ARHGAP15: variants seen among roughly 807,000 people sequenced by gnomAD.
The protein encoded by ARHGAP15 is Rho GTPase activating protein 15, also known as rho GTPase-activating protein 15.
In ARHGAP15, 51 loss-of-function variants were observed where a neutral mutation model predicts 63.7. The observed-to-expected ratio is 0.80, with a 90% CI of 0.64 to 1.01. ARHGAP15 has a LOEUF of 1.01. Ranked by LOEUF, ARHGAP15 falls within the 50% of genes least tolerant of loss-of-function variation. ARHGAP15 has a pLI of 0.00. For missense variants in ARHGAP15, 560 were observed against 564.6 expected (o/e 0.99, Z 0.08); for synonymous variants, 191 against 193.8 (o/e 0.99, Z 0.12).
intron 11 of ARHGAP15, among the ~76,000 whole-genome samples, chr2:143,589,689 C>G (rs1299674569): frequency 6.6e-6 from 1 of 152,136 alleles, no homozygotes; most frequent in African/African-American, 2.4e-5. Flanking sequence ...CAACAAACAT[C>G]AATCAAATGG....
chr2:143,316,846 A>G (rs769105755), intron 6 of ARHGAP15, among the ~76,000 whole-genome samples: 1 of 151,996 alleles, frequency 6.6e-6, no homozygotes, highest in African/African-American at 2.4e-5. Context: ...CCCTGCTTCT[A>G]TATTCACTCC....
At chr2:143,513,137 C>T (rs1693662758) in intron 9 of ARHGAP15, among the ~76,000 whole-genome samples, 1 of 152,182 alleles carries the variant, frequency 6.6e-6, no homozygotes, top group African/African-American at 2.4e-5. Context: ...ACAGTTTTGG[C>T]TTTGCTGGTA....
chr2:143,628,988 G>T (rs1407275173), intron 12 of ARHGAP15, among the ~76,000 whole-genome samples: 1 of 152,060 alleles, frequency 6.6e-6, no homozygotes. Flanking sequence ...GTTAAAAGGT[G>T]GTTAGACCAA....
At chr2:143,670,671 C>T (rs1219311153) in intron 12 of ARHGAP15, among the ~76,000 whole-genome samples, 2 of 152,120 alleles carry the variant, frequency 1.3e-5, no homozygotes, top group South Asian at 2.1e-4. Context: ...TCTTTTTGTA[C>T]CCCAGTAACA....
chr2:143,378,207 A>C (rs1686899122), intron 6 of ARHGAP15, among the ~76,000 whole-genome samples: 1 of 152,062 alleles, frequency 6.6e-6, no homozygotes, highest in African/African-American at 2.4e-5. Context: ...TGTGAAAATA[A>C]GGTCATAAAG....
chr2:143,464,173 G>A (rs1049456936), intron 8 of ARHGAP15, among the ~76,000 whole-genome samples: 2 of 152,126 alleles, frequency 1.3e-5, no homozygotes, highest in African/African-American at 4.8e-5. Context: ...TAAGGCTGAT[G>A]ACAAAGCCAG....
intron 11 of ARHGAP15, among the ~76,000 whole-genome samples, chr2:143,569,025 C>T (rs910817889): frequency 6.6e-6 from 1 of 151,954 alleles, no homozygotes; most frequent in Non-Finnish European, 1.5e-5. Flanking sequence ...GGATGGGGGG[C>T]AGGGGGAGGG....
At chr2:143,517,240 C>T (rs1233785012) in intron 9 of ARHGAP15, among the ~76,000 whole-genome samples, 1 of 152,134 alleles carries the variant, frequency 6.6e-6, no homozygotes, top group Non-Finnish European at 1.5e-5. Context: ...AGTCACCATG[C>T]CCGGCCTGGA....
At chr2:143,401,273 AATAG>A (rs1456969488) in intron 6 of ARHGAP15, among the ~76,000 whole-genome samples, 23 of 152,000 alleles carry the variant, frequency 1.5e-4, no homozygotes, top group Non-Finnish European at 1.2e-4. Flanking sequence ...CTCTATCATA[AATAG>A]ATAGAAAAAT....
chr2:143,524,602 G>T lies in ARHGAP15; in HGVS notation c.925+5238G>T, dbSNP rs1694186136. Among the ~76,000 whole-genome samples, 4 of 152,100 alleles carry T rather than the reference G, an allele frequency of 2.6e-5. 1 individual carries two copies. In the South Asian group the frequency reaches 8.3e-4, roughly 31 times the overall value. On this transcript the variant is annotated intron_variant, in intron 10 of 13. Transcript: ENST00000295095. Reference sequence around the variant, plus strand: ...CTAAAATTATTATTATACCTTAACTGTTTCTTTTTTGGTAATTCCTCTACT... The same window carrying T: ...CTAAAATTATTATTATACCTTAACTTTTTCTTTTTTGGTAATTCCTCTACT...
chr2:143,270,504 G>T (rs1029299494), intron 6 of ARHGAP15, among the ~76,000 whole-genome samples: 5 of 152,118 alleles, frequency 3.3e-5, no homozygotes, highest in Admixed American at 6.5e-5. Flanking sequence ...AATTTATTTT[G>T]CTGTGTAGTA....
intron 10 of ARHGAP15, among the ~76,000 whole-genome samples, chr2:143,520,274 G>T (rs1200294846): frequency 2.6e-5 from 4 of 152,010 alleles, no homozygotes; most frequent in African/African-American, 9.7e-5. Flanking sequence ...AATCTACTAG[G>T]AAAAAGCCAT....
chr2:143,384,512 C>T (rs1321079667), intron 6 of ARHGAP15, among the ~76,000 whole-genome samples: 3 of 151,150 alleles, frequency 2.0e-5, no homozygotes, highest in East Asian at 3.9e-4. Flanking sequence ...AAAAGCTTTA[C>T]CAGCTAAAGA....
chr2:143,201,856 C>G (rs1026465256), intron 2 of ARHGAP15, among the ~76,000 whole-genome samples: 1 of 151,940 alleles, frequency 6.6e-6, no homozygotes, highest in Non-Finnish European at 1.5e-5. Context: ...TAAGGTCTGC[C>G]CAGGTTCACA....
At chr2:143,602,861 C>T (rs1697827726) in intron 11 of ARHGAP15, among the ~76,000 whole-genome samples, 1 of 152,134 alleles carries the variant, frequency 6.6e-6, no homozygotes, top group African/African-American at 2.4e-5. Context: ...TTGTCATATT[C>T]CCAGCAAATA....
intron 10 of ARHGAP15, among the ~76,000 whole-genome samples, chr2:143,554,945 C>T (rs1356168726): frequency 1.3e-5 from 2 of 152,140 alleles, no homozygotes; most frequent in Non-Finnish European, 2.9e-5. Context: ...CCCAATTCCT[C>T]ACAATTTATA....
intron 12 of ARHGAP15, among the ~76,000 whole-genome samples, chr2:143,686,305 A>G (rs1455066778): frequency 2.2e-5 from 2 of 92,830 alleles, no homozygotes; most frequent in African/African-American, 7.1e-5. Context: ...AATCGCTTGA[A>G]CCCTGGAGGT....
intron 6 of ARHGAP15, among the ~76,000 whole-genome samples, chr2:143,346,554 C>T (rs567702969): frequency 6.6e-6 from 1 of 152,204 alleles, no homozygotes; most frequent in Admixed American, 6.5e-5. Flanking sequence ...CATCAAGTAA[C>T]ATTCCCTACA....
chr2:143,556,446 C>T lies in ARHGAP15; in HGVS notation c.964C>T (p.Leu322=). 2 of 1,612,330 alleles carry T rather than the reference C, an allele frequency of 1.2e-6. No homozygotes were observed. Among genetic ancestry groups the T allele is most frequent in the Non-Finnish European group, 1.7e-6 (2 of 1,178,956 alleles). ...VDGIYRVSGN[L]ATIQKLRFIV... ...TGGAATATATCGAGTTAGTGGCAAT[C>T]TGGCAACAATACAGAAGTTAAGATT... Residue 322 remains leucine, a synonymous_variant, in exon 11 of 14, where the codon CTG becomes TTG. Transcript: ENST00000295095.
Sources: gnomAD v4.1 joint callset for allele counts (sites outside exome capture counted in the v4.1 genomes callset) on GRCh38, gnomAD v4.1.1 for gene constraint, MANE v1.5 for transcripts, NCBI Gene and HGNC (gene_info 2026-07-23, HGNC 2026-07-21) for gene names.